PIK3R6: variants seen among roughly 807,000 people sequenced by gnomAD.
PIK3R6 encodes the protein phosphoinositide 3-kinase regulatory subunit 6.
Under a neutral mutation model 84.9 loss-of-function variants are expected in PIK3R6, and 91 were observed. The observed-to-expected ratio is 1.07, with a 90% CI of 0.90 to 1.28. The LOEUF (loss-of-function observed/expected upper bound fraction) is 1.28, where lower values mean the gene tolerates loss of function less well. Ranked by LOEUF, PIK3R6 falls within the 50% of genes most tolerant of loss-of-function variation. PIK3R6 has a pLI of 0.00. For synonymous variants in PIK3R6, 416 were observed against 411.4 expected (o/e 1.01, Z -0.13); for missense variants, 996 against 985.1 (o/e 1.01, Z -0.15).
intron 2 of PIK3R6, among the ~76,000 whole-genome samples, chr17:8,843,285 C>T (rs528816611): frequency 6.6e-6 from 1 of 152,230 alleles, no homozygotes; most frequent in African/African-American, 2.4e-5. Context: ...CTCCCTCCTT[C>T]TCTCTCTCCC....
chr17:8,812,509 G>T (rs2087389147), intron 18 of PIK3R6, among the ~76,000 whole-genome samples: 2 of 152,132 alleles, frequency 1.3e-5, no homozygotes, highest in Non-Finnish European at 2.9e-5. Flanking sequence ...AGACCACAAG[G>T]TGAGTCTCAA....
At chr17:8,823,349 G>A in intron 14 of PIK3R6, 38 bp downstream of exon 14, 2 of 1,448,846 alleles carry the variant, frequency 1.4e-6, no homozygotes, top group Non-Finnish European at 1.9e-6. Flanking sequence ...AATCGGTGGG[G>A]TCCTGGGGTC....
At position 8,823,091 on chromosome 17, in the gene PIK3R6, A is replaced by T. The variant is rs1167867541; in HGVS notation, c.1627-5T>A. 6.3e-7 allele frequency: 1 copy of T among 1,585,798 alleles called. No individual in the cohort carries two copies. The highest frequency in any genetic ancestry group is 8.7e-7 in the Non-Finnish European group (1 of 1,154,356). On this transcript the variant is annotated splice_polypyrimidine_tract_variant and splice_region_variant and intron_variant, in intron 14 of 19. Coordinates refer to ENST00000619866, the MANE Select transcript of PIK3R6 (RefSeq NM_001010855.4). ...GCTCAGGTCACTGAAAAAGATCTGG[A>T]GAGAGGAAGGGAGGGTGGCATTTCC...
At chr17:8,823,328 C>G in intron 14 of PIK3R6, 59 bp downstream of exon 14, 1 of 1,301,774 alleles carries the variant, frequency 7.7e-7, no homozygotes, top group Non-Finnish European at 1.1e-6. Context: ...TTCCCCAGAG[C>G]CTGGGTATTT....
chr17:8,827,642 A>G (rs1212653890), intron 12 of PIK3R6, among the ~76,000 whole-genome samples: 1 of 151,832 alleles, frequency 6.6e-6, no homozygotes, highest in Non-Finnish European at 1.5e-5. Context: ...TGTCCCCACA[A>G]CTAGATCAAT....
At chr17:8,832,763 G>A in intron 9 of PIK3R6, 126 bp downstream of exon 9, 1 of 1,439,904 alleles carries the variant, frequency 6.9e-7, no homozygotes, top group Non-Finnish European at 9.5e-7. Context: ...CAGTCCCCAG[G>A]CTCCTGGGAG....
rs558967175 is a variant in PIK3R6 at position 8,862,880 on chromosome 17, C to T, written c.-92+4649G>A. ...TGGGAGATGTCCTGTGGTCACTCCCCACCCACTGTGCCCACTCACTTACAC... is the reference window on the plus strand; with the variant it reads ...TGGGAGATGTCCTGTGGTCACTCCCTACCCACTGTGCCCACTCACTTACAC... On this transcript the variant is annotated intron_variant, in intron 1 of 19. Coordinates refer to ENST00000619866, the MANE Select transcript of PIK3R6 (RefSeq NM_001010855.4). The surrounding 1 kb of genome is among the most constrained non-coding windows in gnomAD (Gnocchi z 4.3). 6.7e-4 allele frequency among the ~76,000 whole-genome samples: 102 copies of T among 152,312 alleles called. No individual in the cohort carries two copies. The South Asian group carries it at 0.013, about 19-fold the overall frequency.
rs190792471 is a variant in PIK3R6, at chr17:8,808,156, A to G, written c.1996-4003T>C. 3.3e-5 allele frequency among the ~76,000 whole-genome samples: 5 copies of G among 152,322 alleles called. No homozygotes were observed. The East Asian group carries it at 9.6e-4, about 29-fold the overall frequency. ...GAGGTGATTGGTTAATGATGGTACC[A>G]TTAAACGAGACAGGAGATATAAGAA... On this transcript the variant is annotated intron_variant, in intron 18 of 19. Transcript: ENST00000619866.
rs1359712322 is a variant in PIK3R6 at position 8,839,646 on chromosome 17, C to T, written c.65G>A (p.Ser22Asn). Reference protein sequence around the residue: ...RSVQAVLRELSTQAPALQSNQ... With the variant: ...RSVQAVLRELNTQAPALQSNQ... ...GCTCTGCAGGGCAGGGGCCTGGGTG[C>T]TGAGCTCCCGGAGCACAGCCTGCAC... Residue 22 changes from serine (S) to asparagine (N), a missense_variant, in exon 3 of 20, where the codon AGC (serine) becomes AAC (asparagine). By Grantham distance (46) the Ser-to-Asn change is conservative (BLOSUM62 1). Coordinates refer to ENST00000619866, the MANE Select transcript of PIK3R6 (RefSeq NM_001010855.4). The surrounding 1 kb of genome is among the most constrained non-coding windows in gnomAD (Gnocchi z 4.2). 5.1e-6 allele frequency: 8 copies of T among 1,579,564 alleles called. No homozygotes were observed. The highest frequency in any genetic ancestry group is 1.2e-5 in the South Asian group (1 of 86,054).
chr17:8,851,451 C>A (rs1230571306), intron 1 of PIK3R6, among the ~76,000 whole-genome samples: 1 of 152,098 alleles, frequency 6.6e-6, no homozygotes, highest in Non-Finnish European at 1.5e-5. Context: ...GAGCCGAGAT[C>A]GCGCCACTGC....
chr17:8,833,158 C>A, intron 8 of PIK3R6, 113 bp from the exon 9 acceptor site: 1 of 1,382,604 alleles, frequency 7.2e-7, no homozygotes, highest in South Asian at 1.5e-5. Context: ...TCCGCTGCCC[C>A]TGGGGGCCCG....
chr17:8,853,643 T>C (rs2089041860), intron 1 of PIK3R6, among the ~76,000 whole-genome samples: 1 of 151,878 alleles, frequency 6.6e-6, no homozygotes. Context: ...ACTGTGTTCA[T>C]TGTTTGGAAG....
rs2088699350 is a variant in PIK3R6, at chr17:8,842,233, T to C, written c.14-2536A>G. Among the ~76,000 whole-genome samples the C allele has an allele frequency of 1.3e-5, 2 of 152,298 alleles. No homozygotes were observed. The highest frequency in any genetic ancestry group is 2.1e-4 in the South Asian group (1 of 4,816). On this transcript the variant is annotated intron_variant, in intron 2 of 19. Coordinates refer to ENST00000619866, the MANE Select transcript of PIK3R6 (RefSeq NM_001010855.4). This position sits in a 1 kb window ranked among gnomAD's most constrained non-coding sequence, Gnocchi z 4.5. ...CAGCTGCAGGTATTCCTTTATATTA[T>C]AGCAATGCAAACAGACTAAGACAGC...
Position 8,855,757 on chromosome 17 carries a change from C to T in PIK3R6, c.-91-5872G>A, listed in dbSNP as rs569621110. Among the ~76,000 whole-genome samples, 6 of 152,288 alleles carry T rather than the reference C, an allele frequency of 3.9e-5. No homozygotes were observed. The East Asian group carries it at 5.8e-4, about 15-fold the overall frequency. On this transcript the variant is annotated intron_variant, in intron 1 of 19. Transcript: ENST00000619866. ...TGGTGAGAATGCAAAATGGCACAGCCGTTCTGGAAAACAGTTTGACAATTT... is the reference window on the plus strand; with the variant it reads ...TGGTGAGAATGCAAAATGGCACAGCTGTTCTGGAAAACAGTTTGACAATTT...
intron 18 of PIK3R6, among the ~76,000 whole-genome samples, chr17:8,817,173 AC>A (rs1555530097): frequency 6.6e-6 from 1 of 152,194 alleles, no homozygotes; most frequent in Non-Finnish European, 1.5e-5. Flanking sequence ...CAAGGTATAG[AC>A]CAGTATGTAG....
At chr17:8,838,022 T>G (rs1422517094) in intron 4 of PIK3R6, among the ~76,000 whole-genome samples, 151 bp from the exon 5 acceptor site, 6 of 145,958 alleles carry the variant, frequency 4.1e-5, no homozygotes, top group Admixed American at 6.8e-5. Flanking sequence ...GATAGAGGAG[T>G]GGGGAGGGGA....
At chr17:8,832,312 C>A (rs1292849585) in intron 9 of PIK3R6, among the ~76,000 whole-genome samples, 1 of 150,808 alleles carries the variant, frequency 6.6e-6, no homozygotes, top group Admixed American at 6.6e-5. Flanking sequence ...ATTAGAACAG[C>A]AACTGGAGTA....
chr17:8,803,216 T>G lies in PIK3R6; in HGVS notation c.*57A>C. On this transcript the variant is annotated 3_prime_UTR_variant, in exon 20 of 20. Coordinates refer to ENST00000619866, the MANE Select transcript of PIK3R6 (RefSeq NM_001010855.4). This position sits in a 1 kb window ranked among gnomAD's most constrained non-coding sequence, Gnocchi z 5.0. ...GCCTTGCTCTGGCTGTTGGTGTGAG[T>G]GTTTGGAGTTGGTGGGGTAGTGTAT... 1 of 1,598,222 alleles carries G rather than the reference T, an allele frequency of 6.3e-7. No individual in the cohort carries two copies. The highest frequency in any genetic ancestry group is 8.5e-7 in the Non-Finnish European group (1 of 1,170,100).
Position 8,810,904 on chromosome 17 carries a change from A to G in PIK3R6, c.1996-6751T>C, listed in dbSNP as rs758039668. Among the ~76,000 whole-genome samples, 12 of 148,530 alleles carry G rather than the reference A, an allele frequency of 8.1e-5. 2 individuals carry two copies. Among genetic ancestry groups the G allele is most frequent in the Non-Finnish European group, 1.3e-4 (9 of 67,908 alleles). ...CGTGCAAGCTGTCAGTGGATCTATC[A>G]TTCTGGGTCTGGAGGATGGTGGCCC... On this transcript the variant is annotated intron_variant, in intron 18 of 19. Transcript: ENST00000619866.
Sources: gnomAD v4.1 joint callset for allele counts (sites outside exome capture counted in the v4.1 genomes callset) on GRCh38, gnomAD v4.1.1 for gene constraint, Gnocchi (gnomAD v3.1) non-coding constraint, MANE v1.5 for transcripts, NCBI Gene and HGNC (gene_info 2026-07-23, HGNC 2026-07-21) for gene names.